Variants in DCAF6 observed in about 807,000 individuals in gnomAD.
The protein encoded by DCAF6 is DDB1- and CUL4-associated factor 6.
DCAF6 carries 54 observed loss-of-function variants against 125.1 expected under a neutral mutation model. That is an observed-to-expected ratio of 0.43 (90% CI 0.35 to 0.54). The LOEUF (loss-of-function observed/expected upper bound fraction) is 0.54. Among genes scored for constraint, DCAF6 ranks in the 20% least tolerant of loss-of-function variants. The pLI is 0.01. For missense variants in DCAF6, 934 were observed against 1,161.7 expected (o/e 0.80, Z 2.85); for synonymous variants, 371 against 390.4 (o/e 0.95, Z 0.58).
the DCAF6 span, among the ~76,000 whole-genome samples, chr1:167,898,879 T>G: frequency 6.6e-6 from 1 of 152,170 alleles, no homozygotes; most frequent in South Asian, 2.1e-4. Flanking sequence ...CACAGCTTTT[T>G]TAATTGTCCA....
chr1:167,937,292 G>GTACCTTCCCGCAA, intron 1 of DCAF6: 1 of 461,188 alleles, frequency 2.2e-6, no homozygotes, highest in Admixed American at 3.9e-5. Context: ...TGATGGGTTG[G>GTACCTTCCCGCAA]GACTCGGGAG....
At chr1:167,982,282 G>A (rs903867017) in intron 4 of DCAF6, among the ~76,000 whole-genome samples, 4 of 151,592 alleles carry the variant, frequency 2.6e-5, no homozygotes, top group Non-Finnish European at 4.4e-5. Context: ...TCGCTTCATC[G>A]CCAGGCTGGA....
chr1:167,901,433 T>C, the DCAF6 span, among the ~76,000 whole-genome samples: 42 of 152,184 alleles, frequency 2.8e-4, no homozygotes, highest in Non-Finnish European at 4.8e-4. Context: ...TACCAACTAA[T>C]TTACTTTTTG....
chr1:167,943,882 A>G (rs1672650991), intron 1 of DCAF6, among the ~76,000 whole-genome samples: 3 of 152,074 alleles, frequency 2.0e-5, no homozygotes, highest in Non-Finnish European at 4.4e-5. Context: ...TCTGTCGCCC[A>G]GGCTGTAGTG....
chr1:167,936,868 C>CAA lies in DCAF6; in HGVS notation c.-44_-43insAA. 7.9e-7 allele frequency: 1 copy of CAA among 1,262,350 alleles called. No individual in the cohort carries two copies. The highest frequency in any genetic ancestry group is 1.1e-6 in the Non-Finnish European group (1 of 887,668). The allele number at this position is 1,262,350 out of a possible 1,614,324, so 78.2% of individuals were successfully genotyped here. On this transcript the variant is annotated 5_prime_UTR_variant, in exon 1 of 22. Transcript: ENST00000367840. ...GGGTGTCCCCTCCCCCTCCTCCCCT[C>CAA]CCCCACGCGGTGGTCTCCCCTCCCA...
the DCAF6 span, among the ~76,000 whole-genome samples, chr1:167,914,791 T>C: frequency 3.4e-4 from 52 of 152,232 alleles, no homozygotes; most frequent in Non-Finnish European, 6.0e-4. Context: ...CTTTTAAAAT[T>C]GGAATTTAAA....
intron 10 of DCAF6, among the ~76,000 whole-genome samples, chr1:168,009,460 C>T (rs61807033): frequency 2.9e-4 from 3 of 10,368 alleles, no homozygotes; most frequent in South Asian, 4.5e-3. Context: ...CTGTCTCTCT[C>T]TCTTCCTTCC....
At chr1:167,902,266 A>G in the DCAF6 span, among the ~76,000 whole-genome samples, 1 of 152,164 alleles carries the variant, frequency 6.6e-6, no homozygotes, top group South Asian at 2.1e-4. Context: ...GTTTACATCT[A>G]TGCTCCATTT....
chr1:167,902,104 T>A, the DCAF6 span: 18 of 1,528,548 alleles, frequency 1.2e-5, no homozygotes, highest in Middle Eastern at 3.5e-4. Flanking sequence ...TTAAAGGTAG[T>A]AAAAAAACAT....
chr1:167,975,034 TATATG>T lies in DCAF6; in HGVS notation c.438+24_438+28del. 1.4e-6 allele frequency: 2 copies of T among 1,459,070 alleles called. No individual in the cohort carries two copies. Among genetic ancestry groups the T allele is most frequent in the South Asian group, 1.5e-5 (1 of 67,984 alleles). 90.4% of individuals were successfully genotyped at this position (1,459,070 alleles called of 1,614,324 possible). On this transcript the variant is annotated intron_variant, in intron 4 of 21. Transcript: ENST00000367840. Reference sequence around the variant, plus strand: ...TTATGAGGTATGGTATTATTATGATTATATGATATATATGTAAGTATGTATATTTT... The same window carrying T: ...TTATGAGGTATGGTATTATTATGATTATATATATGTAAGTATGTATATTTT...
chr1:168,010,077 G>A (rs1177414409), intron 10 of DCAF6, among the ~76,000 whole-genome samples: 2 of 152,036 alleles, frequency 1.3e-5, no homozygotes, highest in Non-Finnish European at 2.9e-5. Context: ...TTTCCATTAA[G>A]TTTCCAAAAT....
chr1:167,973,925 G>A (rs1214649114), intron 3 of DCAF6, among the ~76,000 whole-genome samples: 1 of 152,116 alleles, frequency 6.6e-6, no homozygotes, highest in Admixed American at 6.5e-5. Context: ...TAGTCAAAGA[G>A]TAAGCACATA....
intron 12 of DCAF6, among the ~76,000 whole-genome samples, chr1:168,024,926 AGAAT>A (rs1686149599): frequency 6.6e-6 from 1 of 152,208 alleles, no homozygotes; most frequent in Non-Finnish European, 1.5e-5. Context: ...TGAGAAAGAA[AGAAT>A]GAATGAATGA....
chr1:167,899,085 A>T, the DCAF6 span, among the ~76,000 whole-genome samples: 43 of 152,176 alleles, frequency 2.8e-4, no homozygotes, highest in Non-Finnish European at 5.6e-4. Context: ...GGTCAATGAC[A>T]GCCTTTAAAA....
intron 21 of DCAF6, among the ~76,000 whole-genome samples, chr1:168,069,837 T>C (rs907568800): frequency 6.6e-6 from 1 of 152,236 alleles, no homozygotes; most frequent in South Asian, 2.1e-4. Flanking sequence ...TATTAAATTA[T>C]AATAACACTG....
chr1:168,049,426 TTGTTG>T (rs1489848779), intron 16 of DCAF6, among the ~76,000 whole-genome samples: 1,098 of 89,532 alleles, frequency 0.012, 18 homozygotes, highest in African/African-American at 0.056. Flanking sequence ...GTTGTTGTTG[TTGTTG>T]TTTTTTTTTT....
intron 12 of DCAF6, among the ~76,000 whole-genome samples, chr1:168,035,205 A>C (rs978814786): frequency 4.5e-4 from 68 of 152,146 alleles, no homozygotes; most frequent in African/African-American, 1.4e-3. Flanking sequence ...CAGCACTTTG[A>C]GAGGCCAAGG....
chr1:167,879,226 A>G, the DCAF6 span, among the ~76,000 whole-genome samples: 1 of 152,202 alleles, frequency 6.6e-6, no homozygotes, highest in Non-Finnish European at 1.5e-5. Flanking sequence ...TCATGCCTCC[A>G]TTCTCTAACC....
At chr1:167,966,855 A>T (rs928384973) in intron 3 of DCAF6, 134 bp downstream of exon 3, 5 of 598,318 alleles carry the variant, frequency 8.4e-6, no homozygotes, top group African/African-American at 1.9e-5. Context: ...GGTTTATTGT[A>T]TAATTTAGAG....
Sources: gnomAD v4.1 joint callset for allele counts (sites outside exome capture counted in the v4.1 genomes callset) on GRCh38, gnomAD v4.1.1 for gene constraint, MANE v1.5 for transcripts, NCBI Gene and HGNC (gene_info 2026-07-23, HGNC 2026-07-21) for gene names.